Variants in CA10 observed in about 807,000 individuals in gnomAD.
CA10 encodes the protein carbonic anhydrase 10 (inactive).
CA10 carries 14 observed loss-of-function variants against 44.2 expected under a neutral mutation model. The ratio of observed to expected loss-of-function variants is 0.32; its 90% CI spans 0.21 to 0.50. The LOEUF (loss-of-function observed/expected upper bound fraction) is 0.50, where lower values mean the gene tolerates loss of function less well. CA10 is among the 20% of genes least tolerant of loss of function. CA10 has a pLI of 0.99. For missense variants in CA10, 350 were observed against 409.7 expected (o/e 0.85, Z 1.26); for synonymous variants, 159 against 141.6 (o/e 1.12, Z -0.87).
At chr17:51,757,516 T>G (rs1905108873) in intron 3 of CA10, among the ~76,000 whole-genome samples, 1 of 152,234 alleles carries the variant, frequency 6.6e-6, no homozygotes, top group South Asian at 2.1e-4. Flanking sequence ...TGAGTGTTTC[T>G]TGCTTTATGT....
chr17:51,923,731 T>C (rs1255351168), intron 3 of CA10, among the ~76,000 whole-genome samples: 1 of 152,200 alleles, frequency 6.6e-6, no homozygotes, highest in African/African-American at 2.4e-5. Context: ...CAACTTATTT[T>C]AATAGTCATA....
At chr17:52,089,866 G>C (rs1480979119) in intron 1 of CA10, among the ~76,000 whole-genome samples, 1 of 152,036 alleles carries the variant, frequency 6.6e-6, no homozygotes, top group Admixed American at 6.6e-5. Context: ...AGAAGGGAGA[G>C]ATGGGGAATA....
At chr17:51,739,892 T>C (rs1904389714) in intron 4 of CA10, among the ~76,000 whole-genome samples, 1 of 152,174 alleles carries the variant, frequency 6.6e-6, no homozygotes, top group Non-Finnish European at 1.5e-5. Context: ...CAAAGCTCCT[T>C]AGTCTGATCC....
intron 3 of CA10, among the ~76,000 whole-genome samples, chr17:51,863,044 G>A (rs1175767256): frequency 1.3e-5 from 2 of 152,112 alleles, no homozygotes; most frequent in Non-Finnish European, 2.9e-5. Flanking sequence ...CTTACTAGTT[G>A]GATGGCTTTG....
At chr17:51,694,659 T>G (rs1234509308) in intron 4 of CA10, among the ~76,000 whole-genome samples, 1 of 152,204 alleles carries the variant, frequency 6.6e-6, no homozygotes, top group Non-Finnish European at 1.5e-5. Context: ...TTAGTTTAAT[T>G]CGGTCCCACT....
At chr17:51,734,414 G>A (rs146805557) in intron 4 of CA10, among the ~76,000 whole-genome samples, 68 of 152,282 alleles carry the variant, frequency 4.5e-4, no homozygotes, top group African/African-American at 1.5e-3. Context: ...TCACCTAGTC[G>A]TAGGGTGAGC....
rs1349370101 is a variant in CA10 at position 52,157,820 on chromosome 17, G to A, written c.-34C>T. On this transcript the variant is annotated 5_prime_UTR_variant, in exon 1 of 9. Coordinates refer to ENST00000451037, the MANE Select transcript of CA10 (RefSeq NM_020178.5). The stretch of plus-strand genomic sequence containing the variant: ...TCTCATTCCAAGTGCATCACTCGAC[G>A]GGAAAACGGGGGGAAGGGGGGAGCC... 4.5e-6 allele frequency: 7 copies of A among 1,571,312 alleles called. No homozygotes were observed. The highest frequency in any genetic ancestry group is 5.3e-6 in the Non-Finnish European group (6 of 1,141,058).
intron 3 of CA10, among the ~76,000 whole-genome samples, chr17:51,856,673 T>A (rs1483869470): frequency 1.3e-5 from 2 of 152,098 alleles, no homozygotes; most frequent in Non-Finnish European, 2.9e-5. Context: ...ATTCTCACAT[T>A]CTCATGGGGC....
intron 2 of CA10, among the ~76,000 whole-genome samples, chr17:51,932,191 A>G (rs910828701): frequency 6.6e-6 from 1 of 152,050 alleles, no homozygotes; most frequent in African/African-American, 2.4e-5. Flanking sequence ...GAGACTCCGG[A>G]TGAGGGGAAG....
chr17:52,110,102 T>C (rs956522135), intron 1 of CA10, among the ~76,000 whole-genome samples: 1 of 152,252 alleles, frequency 6.6e-6, no homozygotes, highest in East Asian at 1.9e-4. Flanking sequence ...GCTGAAAAAA[T>C]TGACAGATCA....
At chr17:52,045,561 C>G (rs1009792747) in intron 2 of CA10, among the ~76,000 whole-genome samples, 2 of 151,942 alleles carry the variant, frequency 1.3e-5, no homozygotes, top group African/African-American at 2.4e-5. Flanking sequence ...TGGAACTATA[C>G]TGTTGTAAGG....
intron 4 of CA10, among the ~76,000 whole-genome samples, chr17:51,663,276 A>C (rs80324203): frequency 1 from 151,536 of 151,536 alleles, 75,768 homozygotes; most frequent in Non-Finnish European, 1. Context: ...CGCATCCTTC[A>C]ACTTCTTATA....
At position 52,031,263 on chromosome 17, in the gene CA10, C is replaced by T. The variant is rs543639615; in HGVS notation, c.136+41056G>A. Among the ~76,000 whole-genome samples the T allele has an allele frequency of 3.9e-5, 6 of 151,938 alleles. No individual in the cohort carries two copies. The South Asian group carries it at 1.2e-3, about 32-fold the overall frequency. On this transcript the variant is annotated intron_variant, in intron 2 of 8. Transcript: ENST00000451037. ...CTCCTGGGTTCAAGCAATTCTCATGCCTCAGCCTCCCAAGTAGCTGAGACT... is the reference window on the plus strand; with the variant it reads ...CTCCTGGGTTCAAGCAATTCTCATGTCTCAGCCTCCCAAGTAGCTGAGACT...
chr17:51,666,806 G>T lies in CA10; in HGVS notation c.466-13070C>A, dbSNP rs564371195. On this transcript the variant is annotated intron_variant, in intron 4 of 8. Coordinates refer to ENST00000451037, the MANE Select transcript of CA10 (RefSeq NM_020178.5). ...AGAAAATGATGTATCAATTCAGATT[G>T]CAGGGAATAGGAGATCCCAACACAG... Among the ~76,000 whole-genome samples the T allele has an allele frequency of 1.2e-4, 18 of 152,292 alleles. No homozygotes were observed. In the East Asian group the frequency reaches 3.5e-3, roughly 29 times the overall value.
chr17:51,892,959 G>A (rs766800012), intron 3 of CA10, among the ~76,000 whole-genome samples: 2 of 151,992 alleles, frequency 1.3e-5, no homozygotes, highest in Non-Finnish European at 2.9e-5. Flanking sequence ...TAGACACTAT[G>A]GCTTTATTTT....
intron 3 of CA10, among the ~76,000 whole-genome samples, chr17:51,840,333 GAT>G (rs1567857600): frequency 1.3e-5 from 2 of 152,176 alleles, no homozygotes. Flanking sequence ...GGGCAAACTG[GAT>G]AATTGACATG....
chr17:51,743,021 G>A (rs1395192891), intron 4 of CA10, among the ~76,000 whole-genome samples: 1 of 152,252 alleles, frequency 6.6e-6, no homozygotes, highest in Non-Finnish European at 1.5e-5. Context: ...GGCAGAAGCT[G>A]CACTCTGGCC....
At chr17:51,738,580 C>T (rs1019287843) in intron 4 of CA10, among the ~76,000 whole-genome samples, 1 of 152,158 alleles carries the variant, frequency 6.6e-6, no homozygotes, top group Admixed American at 6.5e-5. Flanking sequence ...TATTATGGCT[C>T]GCTCTCACAT....
chr17:51,675,214 T>C (rs554956358), intron 4 of CA10, among the ~76,000 whole-genome samples: 5 of 152,158 alleles, frequency 3.3e-5, no homozygotes, highest in Admixed American at 6.5e-5. Flanking sequence ...AGCATAATTG[T>C]CATTATTCTG....
Sources: gnomAD v4.1 joint callset for allele counts (sites outside exome capture counted in the v4.1 genomes callset) on GRCh38, gnomAD v4.1.1 for gene constraint, MANE v1.5 for transcripts, NCBI Gene and HGNC (gene_info 2026-07-23, HGNC 2026-07-21) for gene names.